Variants in GPHN observed in about 807,000 individuals in gnomAD.
GPHN encodes the protein gephyrin.
A neutral mutation model predicts 95.5 loss-of-function variants in GPHN; 17 were observed. The observed-to-expected ratio is 0.18, with a 90% CI of 0.12 to 0.27. GPHN has a LOEUF of 0.27. Ranked by LOEUF, GPHN falls within the 10% of genes least tolerant of loss-of-function variation. The pLI is 1.00. For synonymous variants in GPHN, 320 were observed against 322.5 expected (o/e 0.99, Z 0.08); for missense variants, 660 against 978.1 (o/e 0.67, Z 4.34).
chr14:67,105,905 A>T (rs2078009170), intron 13 of GPHN, among the ~76,000 whole-genome samples: 1 of 151,860 alleles, frequency 6.6e-6, no homozygotes, highest in African/African-American at 2.4e-5. Context: ...TCCTTCTCTT[A>T]TTGTTTATCA....
chr14:67,098,678 C>T (rs1255335244), intron 12 of GPHN, among the ~76,000 whole-genome samples: 2 of 151,876 alleles, frequency 1.3e-5, no homozygotes, highest in Non-Finnish European at 2.9e-5. Context: ...AAAAATTAGC[C>T]GGGCATGGTG....
At chr14:67,648,549 G>T in the GPHN span, 1 of 161,052 alleles carries the variant, frequency 6.2e-6, no homozygotes, top group Non-Finnish European at 1.3e-5. Context: ...CTAAGAGATT[G>T]GTTCATTGGG....
At chr14:67,379,962 C>G in the GPHN span, among the ~76,000 whole-genome samples, 1 of 151,964 alleles carries the variant, frequency 6.6e-6, no homozygotes, top group Admixed American at 6.6e-5. Context: ...TGCTATGTTG[C>G]CTAGACTGGT....
intron 1 of GPHN, among the ~76,000 whole-genome samples, chr14:66,524,378 T>C (rs960845466): frequency 6.6e-6 from 1 of 152,122 alleles, no homozygotes; most frequent in South Asian, 2.1e-4. Context: ...ATAAATATTA[T>C]GTATAAAAGG....
chr14:67,223,695 T>C, the GPHN span: 1 of 961,226 alleles, frequency 1.0e-6, no homozygotes. Context: ...TTCTCTTATG[T>C]ATTTCTTATT....
At chr14:66,614,818 A>G (rs766009396) in intron 1 of GPHN, among the ~76,000 whole-genome samples, 1 of 152,066 alleles carries the variant, frequency 6.6e-6, no homozygotes, top group African/African-American at 2.4e-5. Flanking sequence ...TACATGTGCC[A>G]TGGTGGTTTG....
chr14:67,261,899 A>G, the GPHN span, among the ~76,000 whole-genome samples: 1 of 152,316 alleles, frequency 6.6e-6, no homozygotes, highest in South Asian at 2.1e-4. Flanking sequence ...GAAGCAGTCA[A>G]TTGAAGGGAA....
intron 13 of GPHN, among the ~76,000 whole-genome samples, chr14:67,107,794 GA>G (rs1205182793): frequency 2.0e-5 from 3 of 152,176 alleles, no homozygotes; most frequent in Admixed American, 6.5e-5. Context: ...ACTCCCCAGA[GA>G]GGGGGGTATC....
the GPHN span, chr14:67,312,646 A>G: frequency 6.2e-7 from 1 of 1,613,558 alleles, no homozygotes; most frequent in African/African-American, 1.3e-5. Flanking sequence ...AAGAAGATCC[A>G]AACTGGTGGC....
chr14:67,710,365 C>T, the GPHN span, among the ~76,000 whole-genome samples: 1 of 152,068 alleles, frequency 6.6e-6, no homozygotes, highest in African/African-American at 2.4e-5. Context: ...CAAACCAAAA[C>T]TTAATAATAA....
intron 2 of GPHN, among the ~76,000 whole-genome samples, chr14:66,736,136 T>C (rs1053381120): frequency 6.6e-6 from 1 of 152,184 alleles, no homozygotes; most frequent in African/African-American, 2.4e-5. Context: ...TTACTGTAAA[T>C]AAACACTGAA....
chr14:67,650,512 A>C, the GPHN span: 17 of 586,470 alleles, frequency 2.9e-5, no homozygotes, highest in Non-Finnish European at 3.0e-6. Flanking sequence ...GGTTTCTTTT[A>C]ATCTACTATA....
chr14:67,686,791 T>C, the GPHN span, among the ~76,000 whole-genome samples: 2 of 152,110 alleles, frequency 1.3e-5, no homozygotes, highest in African/African-American at 4.8e-5. Flanking sequence ...TAATATGAAA[T>C]GTATACATAC....
chr14:67,196,027 C>A, the GPHN span, among the ~76,000 whole-genome samples: 2 of 152,092 alleles, frequency 1.3e-5, no homozygotes, highest in Non-Finnish European at 2.9e-5. Flanking sequence ...CTCAGGTGAT[C>A]CACCCACCTT....
At chr14:66,892,579 G>A (rs1044956895) in intron 5 of GPHN, among the ~76,000 whole-genome samples, 4 of 152,146 alleles carry the variant, frequency 2.6e-5, no homozygotes, top group African/African-American at 9.6e-5. Flanking sequence ...ATATTATTCA[G>A]CCTTAAAAAT....
At chr14:66,702,483 C>G (rs1341396988) in intron 2 of GPHN, among the ~76,000 whole-genome samples, 1 of 152,170 alleles carries the variant, frequency 6.6e-6, no homozygotes, top group African/African-American at 2.4e-5. Flanking sequence ...CTTGAGACAT[C>G]TCCAGATGTG....
chr14:67,422,061 C>G, the GPHN span, among the ~76,000 whole-genome samples: 1 of 152,102 alleles, frequency 6.6e-6, no homozygotes, highest in African/African-American at 2.4e-5. Context: ...CTAGCCAGTT[C>G]CTAGAAATAG....
chr14:67,426,589 T>G, the GPHN span, among the ~76,000 whole-genome samples: 12 of 152,318 alleles, frequency 7.9e-5, no homozygotes, highest in Non-Finnish European at 1.6e-4. Flanking sequence ...GTTTTGTTTT[T>G]TTTGAGACAG....
At chr14:67,221,267 C>T in the GPHN span, among the ~76,000 whole-genome samples, 1 of 152,202 alleles carries the variant, frequency 6.6e-6, no homozygotes, top group Admixed American at 6.5e-5. Context: ...GATTCCCAAG[C>T]ATGGCCACCC....
Sources: gnomAD v4.1 joint callset for allele counts (sites outside exome capture counted in the v4.1 genomes callset) on GRCh38, gnomAD v4.1.1 for gene constraint, MANE v1.5 for transcripts, NCBI Gene and HGNC (gene_info 2026-07-23, HGNC 2026-07-21) for gene names.